SPMIP2: variants seen among roughly 807,000 people sequenced by gnomAD.
SPMIP2 encodes the protein protein SPMIP2.
the SPMIP2 span, among the ~76,000 whole-genome samples, chr4:158,934,170 A>C: frequency 5.9e-5 from 9 of 152,164 alleles, no homozygotes; most frequent in African/African-American, 2.2e-4. Context: ...CATCTATAAA[A>C]TAGGAACAGG....
At chr4:158,968,553 C>G in the SPMIP2 span, among the ~76,000 whole-genome samples, 695 of 152,274 alleles carry the variant, frequency 4.6e-3, 9 homozygotes, top group African/African-American at 0.016. Context: ...CATTGTCTAT[C>G]ATTGCATTTC....
At chr4:158,979,974 C>T in the SPMIP2 span, among the ~76,000 whole-genome samples, 2 of 151,956 alleles carry the variant, frequency 1.3e-5, no homozygotes, top group Non-Finnish European at 2.9e-5. Context: ...GCTGTCGGCA[C>T]GGCAGTCTGA....
chr4:158,954,064 A>T, the SPMIP2 span, among the ~76,000 whole-genome samples: 119 of 152,282 alleles, frequency 7.8e-4, no homozygotes, highest in Non-Finnish European at 1.4e-3. Flanking sequence ...GGGAACTGTT[A>T]GGAAGGCATG....
the SPMIP2 span, among the ~76,000 whole-genome samples, chr4:159,031,265 C>T: frequency 6.6e-6 from 1 of 152,140 alleles, no homozygotes; most frequent in Non-Finnish European, 1.5e-5. Context: ...GACTGCAGTA[C>T]CATCTAAGAC....
the SPMIP2 span, among the ~76,000 whole-genome samples, chr4:159,036,148 A>C: frequency 6.6e-6 from 1 of 152,218 alleles, no homozygotes; most frequent in African/African-American, 2.4e-5. Flanking sequence ...TTCAACATTA[A>C]ATATATGGAG....
the SPMIP2 span, among the ~76,000 whole-genome samples, chr4:158,988,236 T>C: frequency 6.6e-6 from 1 of 152,160 alleles, no homozygotes; most frequent in African/African-American, 2.4e-5. Flanking sequence ...GTTCTGAAAT[T>C]GAGGCAGTAA....
At chr4:158,927,438 C>T in the SPMIP2 span, among the ~76,000 whole-genome samples, 96,589 of 152,084 alleles carry the variant, frequency 0.64, 31,064 homozygotes, top group East Asian at 0.89. Context: ...TTTGGCCAAT[C>T]TCTTACTTTT....
chr4:158,894,827 A>G, the SPMIP2 span, among the ~76,000 whole-genome samples: 1 of 152,176 alleles, frequency 6.6e-6, no homozygotes, highest in South Asian at 2.1e-4. Flanking sequence ...AAGATTTTAA[A>G]CCAATGAAAA....
the SPMIP2 span, among the ~76,000 whole-genome samples, chr4:158,904,024 A>C: frequency 1.2e-4 from 18 of 152,238 alleles, no homozygotes; most frequent in African/African-American, 4.3e-4. Context: ...GTTTTTTAAG[A>C]AATTGCTACC....
At chr4:158,992,139 C>T in the SPMIP2 span, among the ~76,000 whole-genome samples, 91 of 152,332 alleles carry the variant, frequency 6.0e-4, no homozygotes, top group African/African-American at 2.1e-3. Flanking sequence ...CCTCCTGCCT[C>T]GGCCTTCCGA....
the SPMIP2 span, among the ~76,000 whole-genome samples, chr4:158,899,780 A>G: frequency 6.6e-6 from 1 of 151,780 alleles, no homozygotes; most frequent in Non-Finnish European, 1.5e-5. Context: ...TATTTTGTTG[A>G]TCTTTTCAAA....
the SPMIP2 span, among the ~76,000 whole-genome samples, chr4:158,960,506 TC>T: frequency 2.6e-5 from 4 of 152,100 alleles, no homozygotes; most frequent in African/African-American, 7.2e-5. Context: ...GGCTTTTGAT[TC>T]CTGAACAGAG....
the SPMIP2 span, among the ~76,000 whole-genome samples, chr4:158,925,229 C>T: frequency 5.1e-3 from 777 of 152,198 alleles, 5 homozygotes; most frequent in African/African-American, 0.017. Flanking sequence ...TGTTATAGGT[C>T]TATTCAAATT....
At chr4:159,064,355 CTA>C in the SPMIP2 span, 1 of 152,164 alleles carries the variant, frequency 6.6e-6, no homozygotes, top group Non-Finnish European at 1.5e-5. Flanking sequence ...AGGAGTTTGA[CTA>C]TGAACAATCA....
the SPMIP2 span, among the ~76,000 whole-genome samples, chr4:158,975,832 TAAG>T: frequency 6.6e-6 from 1 of 152,140 alleles, no homozygotes; most frequent in African/African-American, 2.4e-5. Flanking sequence ...CTAGTTCTGT[TAAG>T]AAAGTCAATG....
the SPMIP2 span, among the ~76,000 whole-genome samples, chr4:158,901,444 G>A: frequency 6.6e-6 from 1 of 151,912 alleles, no homozygotes; most frequent in African/African-American, 2.4e-5. Flanking sequence ...TTCAACCTCC[G>A]TGAATCTGAC....
At chr4:158,995,134 T>G in the SPMIP2 span, among the ~76,000 whole-genome samples, 1 of 152,188 alleles carries the variant, frequency 6.6e-6, no homozygotes, top group Non-Finnish European at 1.5e-5. Flanking sequence ...CCCAGACTGA[T>G]CTTGAATTCC....
the SPMIP2 span, among the ~76,000 whole-genome samples, chr4:159,008,800 ACACTT>A: frequency 6.6e-6 from 1 of 152,252 alleles, no homozygotes; most frequent in African/African-American, 2.4e-5. Flanking sequence ...ATCCAAGAAT[ACACTT>A]CATTTCATGA....
chr4:158,969,368 A>T, the SPMIP2 span, among the ~76,000 whole-genome samples: 1 of 152,332 alleles, frequency 6.6e-6, no homozygotes, highest in Admixed American at 6.5e-5. Flanking sequence ...AACAACATAT[A>T]TAGTTTGATA....
Sources: gnomAD v4.1 joint callset for allele counts (sites outside exome capture counted in the v4.1 genomes callset) on GRCh38, gnomAD v4.1.1 for gene constraint, MANE v1.5 for transcripts, NCBI Gene and HGNC (gene_info 2026-07-23, HGNC 2026-07-21) for gene names.